Variants in FGD3 observed in about 807,000 individuals in gnomAD.
The protein encoded by FGD3 is FYVE, RhoGEF and PH domain containing 3.
Under a neutral mutation model 71.8 loss-of-function variants are expected in FGD3, and 45 were observed. The ratio of observed to expected loss-of-function variants is 0.63; its 90% CI spans 0.49 to 0.80. The LOEUF (loss-of-function observed/expected upper bound fraction) is 0.80, where lower values mean the gene tolerates loss of function less well. FGD3 is among the 30% of genes least tolerant of loss of function. The pLI is 0.00. For synonymous variants in FGD3, 378 were observed against 392.8 expected (o/e 0.96, Z 0.44); for missense variants, 844 against 951.5 (o/e 0.89, Z 1.49).
chr9:92,957,908 C>G (rs190930277), intron 1 of FGD3, among the ~76,000 whole-genome samples: 261 of 151,792 alleles, frequency 1.7e-3, no homozygotes, highest in African/African-American at 6.1e-3. Flanking sequence ...CTTGAACTCC[C>G]GACCTCAGGT....
At chr9:92,947,783 T>G (rs1858883103) in intron 1 of FGD3, 54 bp downstream of exon 1, 1 of 152,540 alleles carries the variant, frequency 6.6e-6, no homozygotes, top group African/African-American at 2.4e-5. Flanking sequence ...CAGGTGGCTT[T>G]GAGATCCTGT....
intron 3 of FGD3, among the ~76,000 whole-genome samples, chr9:93,002,024 G>C (rs2118692776): frequency 6.6e-6 from 1 of 152,294 alleles, no homozygotes; most frequent in South Asian, 2.1e-4. Flanking sequence ...TGGAAGCAGA[G>C]ATCAACCCTC....
chr9:93,005,573 T>C (rs1212941873), intron 5 of FGD3, among the ~76,000 whole-genome samples: 2 of 152,190 alleles, frequency 1.3e-5, no homozygotes, highest in Admixed American at 6.5e-5. Context: ...TATTTGCAAA[T>C]CTCTGTCCAA....
chr9:93,012,053 C>T (rs1283310179), intron 8 of FGD3, among the ~76,000 whole-genome samples: 1 of 149,824 alleles, frequency 6.7e-6, no homozygotes, highest in Non-Finnish European at 1.5e-5. Flanking sequence ...ACTCAGGAGG[C>T]TGAGGCAGGA....
Position 93,028,995 on chromosome 9 carries a change from GTTTTTTTTTTTTTTTTTTTTTTT to G in FGD3, c.1558-859_1558-837del, listed in dbSNP as rs869235976. On this transcript the variant is annotated intron_variant, in intron 14 of 17. Coordinates refer to ENST00000375482, the MANE Select transcript of FGD3 (RefSeq NM_001083536.2). ...CATGGCTTCCTCACATGTCCTCACA[GTTTTTTTTTTTTTTTTTTTTTTT>G]TTTTTTTTTTTTTTTTTTTGAGACA... 1.4e-3 allele frequency among the ~76,000 whole-genome samples: 72 copies of G among 51,750 alleles called. 1 individual carries two copies. Among genetic ancestry groups the G allele is most frequent in the Non-Finnish European group, 1.7e-3 (46 of 27,374 alleles). 34.0% of individuals were successfully genotyped at this position (51,750 alleles called of 152,430 possible). A position where few individuals can be genotyped will look rare whatever the true frequency, so the allele number is the denominator to read the frequency against.
At chr9:93,032,489 G>A in intron 15 of FGD3, 1 of 382,932 alleles carries the variant, frequency 2.6e-6, no homozygotes, top group Non-Finnish European at 4.8e-6. Flanking sequence ...CCTGTGCTTG[G>A]TGGCTCTTCA....
intron 3 of FGD3, among the ~76,000 whole-genome samples, chr9:92,985,078 A>C (rs763718914): frequency 2.0e-5 from 3 of 152,230 alleles, no homozygotes; most frequent in Non-Finnish European, 2.9e-5. Context: ...TTCAGCCTTC[A>C]AAGCAGTCCC....
chr9:92,979,954 C>CTTTT (rs577038256), intron 3 of FGD3, among the ~76,000 whole-genome samples: 10 of 143,444 alleles, frequency 7.0e-5, no homozygotes, highest in African/African-American at 2.3e-4. Flanking sequence ...CTCTCTCTCT[C>CTTTT]TTTTTTTTTT....
chr9:93,017,055 A>C (rs1264507979), intron 10 of FGD3, among the ~76,000 whole-genome samples: 1 of 152,116 alleles, frequency 6.6e-6, no homozygotes, highest in Non-Finnish European at 1.5e-5. Context: ...GATCACTTGA[A>C]CCCAGGAGTT....
intron 1 of FGD3, among the ~76,000 whole-genome samples, chr9:92,968,389 C>A (rs983867938): frequency 6.6e-6 from 1 of 152,194 alleles, no homozygotes; most frequent in South Asian, 2.1e-4. Flanking sequence ...TCACTTCCTG[C>A]CCTCTCCGAG....
At chr9:93,034,509 A>G in intron 16 of FGD3, 32 bp from the exon 17 acceptor site, 2 of 1,582,456 alleles carry the variant, frequency 1.3e-6, no homozygotes, top group African/African-American at 1.3e-5. Flanking sequence ...TGCAGGGGAG[A>G]CTGCCCCTAA....
Position 93,034,553 on chromosome 9 carries a change from G to T in FGD3, c.1798G>T (p.Ala600Ser). ...TTTGTGTCCCCAGAAGACACCCACT[G>T]CAGACCCCCAGCCCAGCCTGCTCTG... ...APESTEKTPTADPQPSLLCGP... is the reference protein window; with the variant it reads ...APESTEKTPTSDPQPSLLCGP... Residue 600 changes from alanine to serine, a missense_variant, in exon 17 of 18, where the codon GCA (alanine) becomes TCA (serine). Transcript: ENST00000375482. 1 of 1,611,582 alleles carries T rather than the reference G, an allele frequency of 6.2e-7. No individual in the cohort carries two copies. Among genetic ancestry groups the T allele is most frequent in the Non-Finnish European group, 8.5e-7 (1 of 1,178,848 alleles).
chr9:93,034,931 T>C (rs1238327417), intron 17 of FGD3, among the ~76,000 whole-genome samples: 5 of 151,900 alleles, frequency 3.3e-5, no homozygotes, highest in Non-Finnish European at 7.4e-5. Context: ...GCACAAAGGG[T>C]GGCCAGGAGC....
At chr9:92,992,829 A>G (rs913783284) in intron 3 of FGD3, among the ~76,000 whole-genome samples, 1 of 152,164 alleles carries the variant, frequency 6.6e-6, no homozygotes, top group African/African-American at 2.4e-5. Flanking sequence ...TGATGTAGCT[A>G]TGCAAATTCT....
At chr9:93,021,377 C>G (rs1169299465) in intron 13 of FGD3, among the ~76,000 whole-genome samples, 1 of 152,146 alleles carries the variant, frequency 6.6e-6, no homozygotes, top group Non-Finnish European at 1.5e-5. Context: ...GCTGCAGCCC[C>G]AGGGCCAATC....
intron 12 of FGD3, 86 bp downstream of exon 12, chr9:93,019,947 C>A: frequency 2.7e-6 from 4 of 1,459,202 alleles, no homozygotes; most frequent in Non-Finnish European, 3.8e-6. Flanking sequence ...GGTGGGGGCC[C>A]TGGCCTCCGG....
At chr9:92,959,570 A>G (rs1477754470) in intron 1 of FGD3, among the ~76,000 whole-genome samples, 6 of 151,974 alleles carry the variant, frequency 3.9e-5, no homozygotes, top group African/African-American at 1.5e-4. Flanking sequence ...AGCCAGGCAT[A>G]GTGCCACACA....
At position 92,976,503 on chromosome 9, in the gene FGD3, T is replaced by A; in HGVS notation, c.247T>A (p.Ser83Thr). The A allele has an allele frequency of 6.2e-7, 1 of 1,612,418 alleles. No individual in the cohort carries two copies. The highest frequency in any genetic ancestry group is 1.1e-5 in the South Asian group (1 of 90,772). The change falls in exon 3 of 18, where the codon TCC (serine) becomes ACC (threonine). Residue 83 changes from serine to threonine, a missense_variant. Coordinates refer to ENST00000375482, the MANE Select transcript of FGD3 (RefSeq NM_001083536.2). ...NRDSGIDSPS[S>T]SVAGENFPCE... ...GGACAGCGGGATCGACAGTCCCTCCTCCAGTGTGGCTGGAGAGAACTTTCC... is the reference window on the plus strand; with the variant it reads ...GGACAGCGGGATCGACAGTCCCTCCACCAGTGTGGCTGGAGAGAACTTTCC...
chr9:93,014,961 C>T (rs1861609313), intron 9 of FGD3, among the ~76,000 whole-genome samples: 1 of 148,308 alleles, frequency 6.7e-6, no homozygotes, highest in African/African-American at 2.5e-5. Flanking sequence ...TGCCCCCGCC[C>T]ACCCCCCCAG....
Sources: allele counts gnomAD v4.1 joint callset (sites outside exome capture counted in the v4.1 genomes callset), GRCh38; gene constraint gnomAD v4.1.1; transcripts MANE v1.5; gene names NCBI Gene and HGNC (gene_info 2026-07-23, HGNC 2026-07-21).